Variants in CFAP47 observed in about 807,000 individuals in gnomAD.
CFAP47 encodes cilia- and flagella-associated protein 47.
In CFAP47, 29 loss-of-function variants were observed where a neutral mutation model predicts 148.1. That is an observed-to-expected ratio of 0.20 (90% CI 0.15 to 0.27). The LOEUF (loss-of-function observed/expected upper bound fraction) is 0.27. CFAP47 is among the 10% of genes least tolerant of loss of function. The probability of loss-of-function intolerance (pLI) is 1.00; values close to 1 mark genes in which losing one functional copy is unlikely to be tolerated. For missense variants in CFAP47, 1,872 were observed against 1,697.5 expected (o/e 1.10, Z -1.81); for synonymous variants, 664 against 577.3 (o/e 1.15, Z -2.15).
intron 2 of CFAP47, 120 bp downstream of exon 2, chrX:35,926,288 C>A: frequency 2.0e-6 from 1 of 497,271 alleles, no homozygotes; most frequent in Non-Finnish European, 3.1e-6. Flanking sequence ...TTAAAGGACA[C>A]ATTTTTAGAA....
chrX:36,267,413 G>A (rs12116360), intron 49 of CFAP47, among the ~76,000 whole-genome samples: 38,240 of 108,795 alleles, frequency 0.35, 7,684 homozygotes, highest in African/African-American at 0.76. Flanking sequence ...TTGTAGACAC[G>A]AAACCAATCA....
intron 24 of CFAP47, among the ~76,000 whole-genome samples, chrX:36,036,062 G>A (rs1005177402): frequency 9.0e-6 from 1 of 111,211 alleles, no homozygotes; most frequent in African/African-American, 3.3e-5. Flanking sequence ...TACAATGTGA[G>A]GATTTGATGT....
chrX:35,999,545 T>C (rs977386619), intron 19 of CFAP47, among the ~76,000 whole-genome samples: 21 of 112,095 alleles, frequency 1.9e-4, no homozygotes, highest in Non-Finnish European at 3.6e-4. Context: ...GATAAGTAAA[T>C]AAATACATAA....
chrX:36,089,825 A>G (rs1938154427), intron 30 of CFAP47, among the ~76,000 whole-genome samples: 1 of 112,159 alleles, frequency 8.9e-6, no homozygotes. Context: ...TATTGAACTT[A>G]AAATTTAAAT....
At chrX:36,327,036 A>G (rs1329865937) in intron 57 of CFAP47, among the ~76,000 whole-genome samples, 1 of 111,690 alleles carries the variant, frequency 9.0e-6, no homozygotes, top group East Asian at 2.8e-4. Context: ...CTTTCTCTAC[A>G]TTGGCCTTGG....
intron 26 of CFAP47, among the ~76,000 whole-genome samples, chrX:36,048,641 G>A (rs1026139317): frequency 9.0e-6 from 1 of 111,471 alleles, no homozygotes; most frequent in Non-Finnish European, 1.9e-5. Context: ...TGTGCTCCCA[G>A]CTCAGAGATT....
chrX:36,112,833 G>A (rs950427455), intron 33 of CFAP47, among the ~76,000 whole-genome samples: 11 of 111,952 alleles, frequency 9.8e-5, no homozygotes, highest in Non-Finnish European at 1.7e-4. Context: ...ATGTTGAATT[G>A]AACCCTTTAC....
intron 39 of CFAP47, among the ~76,000 whole-genome samples, chrX:36,161,505 A>G (rs905014148): frequency 2.7e-5 from 3 of 111,969 alleles, no homozygotes; most frequent in African/African-American, 9.7e-5. Flanking sequence ...AGATTTAATA[A>G]TAATAACAAA....
At position 35,923,150 on chromosome X, in the gene CFAP47, C is replaced by A. The variant is rs771157150; in HGVS notation, c.250-2867C>A. Among the ~76,000 whole-genome samples the A allele has an allele frequency of 8.1e-5, 9 of 110,945 alleles. No homozygotes were observed. In the East Asian group the frequency reaches 2.6e-3, roughly 32 times the overall value. ...AGAGATTATGTATTCAGGAGAGGGA[C>A]TCTTTCTAGTTGAAGGGGAGGAAGT... On this transcript the variant is annotated intron_variant, in intron 1 of 63. Transcript: ENST00000378653.
In CFAP47 at chrX:36,073,348, C is replaced by T; in HGVS notation, c.4675C>T (p.Pro1559Ser). ...WPEGPHSFSIPETIRRDVYKM... is the reference protein window; with the variant it reads ...WPEGPHSFSISETIRRDVYKM... ...TGAAGGACCCCATTCTTTTTCTATT[C>T]CAGAGACTATAAGAAGGTGAGAGTC... is the stretch of plus-strand genomic sequence containing the variant. The change falls in exon 29 of 64, where the codon CCA (proline) becomes TCA (serine). Residue 1559 changes from proline (P) to serine (S), a missense_variant. By Grantham distance (74) the Pro-to-Ser change is moderately conservative. Transcript: ENST00000378653. The T allele has an allele frequency of 8.4e-7, 1 of 1,192,805 alleles. No homozygotes were observed.
intron 45 of CFAP47, among the ~76,000 whole-genome samples, chrX:36,205,766 G>T (rs918586182): frequency 1.8e-5 from 2 of 111,711 alleles, no homozygotes; most frequent in Non-Finnish European, 3.8e-5. Flanking sequence ...TTTCATTTCA[G>T]TTCTTTTCAA....
chrX:36,141,544 C>T (rs1002586383), intron 35 of CFAP47, among the ~76,000 whole-genome samples: 1 of 111,215 alleles, frequency 9.0e-6, no homozygotes, highest in African/African-American at 3.3e-5. Flanking sequence ...CTCACAGACA[C>T]CCAGAAACAA....
rs868029281 is a variant in CFAP47 at position 36,085,357 on chromosome X, C to T, written c.4735C>T (p.Gln1579Ter). ...ATTCTACTCATCAACCTCGCCACCC[C>T]AAAAGTTTTCCAGACAGAATGACTT... ...MQFYSSTSPP[Q>*]KFSRQNDFSK... The change falls in exon 30 of 64, where the codon CAA becomes TAA. Residue 1579 changes from glutamine (Q) to a stop codon, truncating the protein, a stop_gained. Transcript: ENST00000378653. LOFTEE classifies it high-confidence loss of function. 1 of 1,207,003 alleles carries T rather than the reference C, an allele frequency of 8.3e-7. No homozygotes were observed. Among genetic ancestry groups the T allele is most frequent in the African/African-American group, 1.7e-5 (1 of 57,365 alleles).
At chrX:36,148,747 T>A (rs953182553) in intron 36 of CFAP47, among the ~76,000 whole-genome samples, 19 of 111,963 alleles carry the variant, frequency 1.7e-4, no homozygotes, top group Admixed American at 4.8e-4. Flanking sequence ...TAAGTTCCCT[T>A]TTTAAAATTC....
rs1936410241 is a variant in CFAP47, at chrX:35,966,579, A to G, written c.1425A>G (p.Ser475=). The part of the protein sequence containing the change: ...TGGGMVDVMC[S]FVPHQLGVFK... ...TTTTTTTTTAGGATGTGATGTGTTC[A>G]TTTGTTCCACATCAACTTGGAGTCT... The change falls in exon 9 of 64, where the codon TCA becomes TCG. Residue 475 remains serine (S), a synonymous_variant. Transcript: ENST00000378653. 2 of 1,069,873 alleles carry G rather than the reference A, an allele frequency of 1.9e-6. No homozygotes were observed. The highest frequency in any genetic ancestry group is 2.4e-6 in the Non-Finnish European group (2 of 816,372). 88.2% of individuals were successfully genotyped at this position (1,069,873 alleles called of 1,213,427 possible).
intron 2 of CFAP47, among the ~76,000 whole-genome samples, chrX:35,939,312 A>G (rs773611882): frequency 1.8e-5 from 2 of 108,294 alleles, no homozygotes; most frequent in East Asian, 2.9e-4. Context: ...TTATTATTAT[A>G]CTTTAAGTTT....
At chrX:36,160,591 G>A (rs942435759) in intron 38 of CFAP47, 90 bp from the exon 39 acceptor site, 5 of 272,380 alleles carry the variant, frequency 1.8e-5, no homozygotes, top group African/African-American at 8.4e-5. Flanking sequence ...TTAAATGGAC[G>A]GTTTATAGAT....
intron 13 of CFAP47, among the ~76,000 whole-genome samples, 181 bp downstream of exon 13, chrX:35,972,146 AAG>A (rs1936503173): frequency 8.9e-6 from 1 of 112,205 alleles, no homozygotes; most frequent in Admixed American, 9.5e-5. Context: ...AGTAAATTTA[AAG>A]TTATATAACC....
intron 37 of CFAP47, among the ~76,000 whole-genome samples, chrX:36,154,201 T>G (rs1035861119): frequency 3.6e-5 from 4 of 112,223 alleles, no homozygotes; most frequent in Non-Finnish European, 7.5e-5. Context: ...TTTAAATCAT[T>G]TCTTTCTTCT....
Sources: allele counts gnomAD v4.1 joint callset (sites outside exome capture counted in the v4.1 genomes callset), GRCh38; gene constraint gnomAD v4.1.1; transcripts MANE v1.5; gene names NCBI Gene and HGNC (gene_info 2026-07-23, HGNC 2026-07-21).